MOB1B: variants seen among roughly 807,000 people sequenced by gnomAD.
MOB1B encodes MOB1 Mps One Binder homolog B.
MOB1B carries 19 observed loss-of-function variants against 24.4 expected under a neutral mutation model. That is an observed-to-expected ratio of 0.78 (90% CI 0.54 to 1.14). MOB1B has a LOEUF of 1.14. Among genes scored for constraint, MOB1B ranks in the 50% most tolerant of loss-of-function variants. The probability of loss-of-function intolerance (pLI) is 0.00; values close to 1 mark genes in which losing one functional copy is unlikely to be tolerated. For missense variants in MOB1B, 243 were observed against 259.6 expected (o/e 0.94, Z 0.44); for synonymous variants, 76 against 82.1 (o/e 0.93, Z 0.40).
intron 1 of MOB1B, among the ~76,000 whole-genome samples, chr4:70,936,276 T>G (rs1737080686): frequency 6.6e-6 from 1 of 152,162 alleles, no homozygotes; most frequent in Non-Finnish European, 1.5e-5. Flanking sequence ...TTGCTGGAAT[T>G]ACAGGCATGA....
chr4:70,985,754 A>C lies in MOB1B; in HGVS notation c.*3697A>C, dbSNP rs1419119115. On this transcript the variant is annotated 3_prime_UTR_variant, in exon 6 of 6. Coordinates refer to ENST00000309395, the MANE Select transcript of MOB1B (RefSeq NM_173468.4). The stretch of plus-strand genomic sequence containing the variant: ...AGGCTGGTCTCAAACTCCTGACCTC[A>C]AGTGATCCGCCCTCCCCAGCCTCCC... 1 of 152,226 alleles carries C rather than the reference A, an allele frequency of 6.6e-6. No individual in the cohort carries two copies. Among genetic ancestry groups the C allele is most frequent in the Non-Finnish European group, 1.5e-5 (1 of 68,122 alleles). The allele number at this position is 152,226 out of a possible 1,614,324, so 9.4% of individuals were successfully genotyped here. A position where few individuals can be genotyped will look rare whatever the true frequency, so the allele number is the denominator to read the frequency against.
intron 1 of MOB1B, among the ~76,000 whole-genome samples, chr4:70,938,870 C>T (rs942737503): frequency 7.9e-5 from 12 of 151,572 alleles, no homozygotes; most frequent in South Asian, 2.1e-4. Context: ...CTCTACCTCC[C>T]GGGTGCAAGC....
chr4:70,905,523 G>T (rs1478374135), intron 1 of MOB1B, among the ~76,000 whole-genome samples: 1 of 151,986 alleles, frequency 6.6e-6, no homozygotes, highest in Non-Finnish European at 1.5e-5. Flanking sequence ...GGTTACAGGT[G>T]TGAGCCATTA....
At chr4:70,918,534 G>T (rs1407809920) in intron 1 of MOB1B, among the ~76,000 whole-genome samples, 3 of 151,628 alleles carry the variant, frequency 2.0e-5, no homozygotes, top group Admixed American at 2.0e-4. Flanking sequence ...TTTTGATGGG[G>T]TTGTTTGTTT....
chr4:70,948,032 C>T (rs1384032461), intron 1 of MOB1B, among the ~76,000 whole-genome samples: 1 of 152,148 alleles, frequency 6.6e-6, no homozygotes, highest in African/African-American at 2.4e-5. Context: ...TCTATGTTTT[C>T]TTCTAGAAGT....
At chr4:70,949,657 A>T (rs1241322004) in intron 1 of MOB1B, among the ~76,000 whole-genome samples, 2 of 152,048 alleles carry the variant, frequency 1.3e-5, no homozygotes, top group Non-Finnish European at 2.9e-5. Context: ...GGTGGTGGGG[A>T]TGGGGGGATC....
At chr4:70,956,852 T>C (rs1454833020) in intron 1 of MOB1B, among the ~76,000 whole-genome samples, 1 of 152,196 alleles carries the variant, frequency 6.6e-6, no homozygotes, top group Non-Finnish European at 1.5e-5. Flanking sequence ...AGAATGCTAG[T>C]ACTTTAGAAT....
rs567279854 is a variant in MOB1B, at chr4:70,934,169, C to T, written c.15-24705C>T. 3.9e-5 allele frequency among the ~76,000 whole-genome samples: 6 copies of T among 152,316 alleles called. 1 individual carries two copies. In the East Asian group the frequency reaches 9.6e-4, roughly 24 times the overall value. ...GCACGATCTCTGCTCACTACAACCTCTGCATCCTGGGTTCAAGTGATTCTC... is the reference window on the plus strand; with the variant it reads ...GCACGATCTCTGCTCACTACAACCTTTGCATCCTGGGTTCAAGTGATTCTC... On this transcript the variant is annotated intron_variant, in intron 1 of 5. Transcript: ENST00000309395.
chr4:70,985,041 T>G lies in MOB1B; in HGVS notation c.*2984T>G, dbSNP rs1343955760. The G allele has an allele frequency of 6.6e-6, 1 of 152,202 alleles. No homozygotes were observed. The highest frequency in any genetic ancestry group is 1.5e-5 in the Non-Finnish European group (1 of 68,032). 9.4% of individuals were successfully genotyped at this position (152,202 alleles called of 1,614,324 possible). A position where few individuals can be genotyped will look rare whatever the true frequency, so the allele number is the denominator to read the frequency against. On this transcript the variant is annotated 3_prime_UTR_variant, in exon 6 of 6. Coordinates refer to ENST00000309395, the MANE Select transcript of MOB1B (RefSeq NM_173468.4). ...TATAATATATCTCAGACTGAGTTAC[T>G]GCCTGTCTTATCAGGATGGATAAAA...
In MOB1B at chr4:70,975,162, T is replaced by G; in HGVS notation, c.285T>G (p.Tyr95Ter). 1 of 1,606,116 alleles carries G rather than the reference T, an allele frequency of 6.2e-7. No homozygotes were observed. The highest frequency in any genetic ancestry group is 8.5e-7 in the Non-Finnish European group (1 of 1,176,808). The change falls in exon 4 of 6, where the codon TAT becomes TAG. Residue 95 changes from tyrosine (Y) to a stop codon, truncating the protein, a stop_gained. Coordinates refer to ENST00000309395, the MANE Select transcript of MOB1B (RefSeq NM_173468.4). LOFTEE classifies it high-confidence loss of function. ...TATCTCTCCAATGCAGATATGAGTA[T>G]CATTGGGCAGATGGAACGAACATAA... ...PVMSAGPKYE[Y>*]HWADGTNIKK...
At chr4:70,951,281 C>T (rs573937051) in intron 1 of MOB1B, among the ~76,000 whole-genome samples, 11 of 152,164 alleles carry the variant, frequency 7.2e-5, no homozygotes, top group South Asian at 2.1e-4. Flanking sequence ...AGTTGTCTTC[C>T]GTGAAACTGG....
At chr4:70,930,946 A>G (rs765712626) in intron 1 of MOB1B, among the ~76,000 whole-genome samples, 58 of 141,048 alleles carry the variant, frequency 4.1e-4, no homozygotes, top group Admixed American at 2.0e-3. Flanking sequence ...TTCTTTAAAC[A>G]TTTTTAATTG....
At chr4:70,973,392 C>T (rs963803397) in intron 3 of MOB1B, among the ~76,000 whole-genome samples, 1 of 150,738 alleles carries the variant, frequency 6.6e-6, no homozygotes, top group African/African-American at 2.4e-5. Context: ...ATTGCTTGCG[C>T]CCAGGAGTTC....
intron 1 of MOB1B, among the ~76,000 whole-genome samples, chr4:70,951,768 G>A (rs953393117): frequency 5.3e-5 from 8 of 152,210 alleles, no homozygotes; most frequent in Admixed American, 1.3e-4. Flanking sequence ...GTGTGGTGGC[G>A]TAGTCACAGC....
At chr4:70,978,375 G>A (rs998860833) in intron 4 of MOB1B, among the ~76,000 whole-genome samples, 2 of 152,202 alleles carry the variant, frequency 1.3e-5, no homozygotes, top group African/African-American at 4.8e-5. Flanking sequence ...TGTGGACAAT[G>A]CTGTAGTGAA....
intron 1 of MOB1B, among the ~76,000 whole-genome samples, chr4:70,943,495 G>T (rs1737433837): frequency 6.6e-6 from 1 of 152,102 alleles, no homozygotes; most frequent in South Asian, 2.1e-4. Context: ...ATAAAATAGT[G>T]AAAGAGCTTT....
intron 4 of MOB1B, chr4:70,976,079 T>C: frequency 2.5e-6 from 1 of 399,512 alleles, no homozygotes; most frequent in Non-Finnish European, 3.4e-6. Flanking sequence ...TTTTTGCATT[T>C]TTAGTAGAGA....
At chr4:70,932,388 A>AT (rs1263967558) in intron 1 of MOB1B, among the ~76,000 whole-genome samples, 2 of 152,040 alleles carry the variant, frequency 1.3e-5, no homozygotes, top group African/African-American at 4.8e-5. Flanking sequence ...AAATCAAGGA[A>AT]TTTTTTTCTT....
chr4:70,968,820 G>T (rs947452294), intron 2 of MOB1B, among the ~76,000 whole-genome samples: 2 of 152,004 alleles, frequency 1.3e-5, no homozygotes, highest in Non-Finnish European at 2.9e-5. Context: ...ATGGGGTCTT[G>T]CTATGTTCCC....
Sources: allele counts gnomAD v4.1 joint callset (sites outside exome capture counted in the v4.1 genomes callset), GRCh38; gene constraint gnomAD v4.1.1; transcripts MANE v1.5; gene names NCBI Gene and HGNC (gene_info 2026-07-23, HGNC 2026-07-21).